The following PRKN variants were observed in gnomAD, a reference collection of about 807,000 sequenced individuals.
PRKN encodes E3 ubiquitin-protein ligase parkin.
PRKN carries 56 observed loss-of-function variants against 59.5 expected under a neutral mutation model. The ratio of observed to expected loss-of-function variants is 0.94; its 90% CI spans 0.76 to 1.18. The LOEUF is 1.18. Among genes scored for constraint, PRKN ranks in the 50% most tolerant of loss-of-function variants. PRKN has a pLI of 0.00. For missense variants in PRKN, 657 were observed against 596.4 expected (o/e 1.10, Z -1.06); for synonymous variants, 250 against 222.1 (o/e 1.13, Z -1.12).
At chr6:161,522,008 G>A (rs1778843557) in intron 9 of PRKN, among the ~76,000 whole-genome samples, 1 of 152,150 alleles carries the variant, frequency 6.6e-6, no homozygotes, top group Admixed American at 6.5e-5. Flanking sequence ...TCCAGAGAAA[G>A]CTCTGTTGGG....
Position 161,996,854 on chromosome 6 carries a change from A to T in PRKN, c.619-23437T>A, listed in dbSNP as rs562653117. Among the ~76,000 whole-genome samples the T allele has an allele frequency of 3.0e-3, 454 of 150,944 alleles. 1 individual carries two copies. Among genetic ancestry groups the T allele is most frequent in the African/African-American group, 0.01 (421 of 40,528 alleles). ...GGGAAAAACGTTTTATTTTTTTTTT[A>T]AATTAACATGGAGAAAGCACCTAAA... is the stretch of plus-strand genomic sequence containing the variant. On this transcript the variant is annotated intron_variant, in intron 5 of 11. Transcript: ENST00000366898.
intron 4 of PRKN, among the ~76,000 whole-genome samples, chr6:162,096,604 C>G (rs1779744319): frequency 1.3e-5 from 2 of 152,012 alleles, no homozygotes; most frequent in Non-Finnish European, 2.9e-5. Context: ...ACACTGTTCC[C>G]CTGGTAGTGA....
At chr6:162,459,687 A>G (rs1791065646) in intron 1 of PRKN, among the ~76,000 whole-genome samples, 1 of 152,210 alleles carries the variant, frequency 6.6e-6, no homozygotes, top group Non-Finnish European at 1.5e-5. Context: ...ATAAGTATGA[A>G]ATGTCTGACT....
intron 2 of PRKN, among the ~76,000 whole-genome samples, chr6:162,336,950 T>C (rs1388258130): frequency 6.6e-6 from 1 of 152,204 alleles, no homozygotes. Flanking sequence ...AGGATATCCC[T>C]GGATTTTCTG....
At chr6:161,586,121 C>A (rs1467732497) in intron 7 of PRKN, among the ~76,000 whole-genome samples, 1 of 152,144 alleles carries the variant, frequency 6.6e-6, no homozygotes, top group African/African-American at 2.4e-5. Flanking sequence ...GAGCAATCCT[C>A]CCTCCAGCTT....
At chr6:162,196,599 T>C (rs1411521440) in intron 4 of PRKN, among the ~76,000 whole-genome samples, 1 of 152,164 alleles carries the variant, frequency 6.6e-6, no homozygotes, top group Admixed American at 6.6e-5. Flanking sequence ...CTGATCAAGG[T>C]CACCATGCAA....
At chr6:162,438,540 G>A (rs570162352) in intron 2 of PRKN, among the ~76,000 whole-genome samples, 60 of 151,932 alleles carry the variant, frequency 3.9e-4, no homozygotes, top group South Asian at 3.9e-3. Context: ...CTTCCTGAAC[G>A]ACATTTTCAC....
At chr6:161,718,895 G>A (rs114490450) in intron 7 of PRKN, among the ~76,000 whole-genome samples, 1,558 of 152,246 alleles carry the variant, frequency 0.01, 25 homozygotes, top group African/African-American at 0.036. Context: ...TGATTAGAGG[G>A]CCAGTGAAGG....
intron 1 of PRKN, among the ~76,000 whole-genome samples, chr6:162,687,983 A>T (rs1777634244): frequency 6.6e-6 from 1 of 152,222 alleles, no homozygotes; most frequent in African/African-American, 2.4e-5. Context: ...AGTAAAAAAA[A>T]TTATGGTAAT....
chr6:162,096,225 C>T (rs1454609380), intron 4 of PRKN, among the ~76,000 whole-genome samples: 3 of 152,146 alleles, frequency 2.0e-5, no homozygotes, highest in Admixed American at 6.5e-5. Flanking sequence ...CCCCAAACAC[C>T]TTCTAGAATG....
intron 3 of PRKN, among the ~76,000 whole-genome samples, chr6:162,250,192 G>T (rs1006767336): frequency 4.6e-5 from 7 of 151,676 alleles, no homozygotes; most frequent in African/African-American, 1.7e-4. Flanking sequence ...TATAAGGGGG[G>T]GGGCAGGGAA....
rs1782817590 is a variant in PRKN at position 162,317,881 on chromosome 6, A to G, written c.172-55116T>C. On this transcript the variant is annotated intron_variant, in intron 2 of 11. Coordinates refer to ENST00000366898, the MANE Select transcript of PRKN (RefSeq NM_004562.3). ...CAGTTCAGTAATTGAATATAGATAC[A>G]GGTATTGGTTCTGAAGTTTTTTTAA... Among the ~76,000 whole-genome samples the G allele has an allele frequency of 2.0e-5, 3 of 152,014 alleles. No individual in the cohort carries two copies. The South Asian group carries it at 6.2e-4, about 31-fold the overall frequency.
chr6:162,078,851 TATTAATACTTAATA>T (rs1778940292), intron 4 of PRKN, among the ~76,000 whole-genome samples: 1 of 143,822 alleles, frequency 7.0e-6, no homozygotes, highest in Admixed American at 7.4e-5. Context: ...TAAGCAAGAT[TATTAATACTTAATA>T]ATTAATACTT....
chr6:162,283,313 A>C (rs1781006054), intron 2 of PRKN, among the ~76,000 whole-genome samples: 1 of 152,118 alleles, frequency 6.6e-6, no homozygotes, highest in South Asian at 2.1e-4. Flanking sequence ...ATTTGTGTCC[A>C]TTTTTGGAAT....
intron 7 of PRKN, among the ~76,000 whole-genome samples, chr6:161,721,616 A>G (rs1787224655): frequency 1.3e-5 from 2 of 152,236 alleles, no homozygotes; most frequent in Admixed American, 6.5e-5. Flanking sequence ...GAAAACATAA[A>G]TGGATTTTAT....
intron 3 of PRKN, among the ~76,000 whole-genome samples, chr6:162,220,733 G>A (rs1777889832): frequency 6.6e-6 from 1 of 152,194 alleles, no homozygotes; most frequent in African/African-American, 2.4e-5. Context: ...TCTACTCATG[G>A]CGCAGCCAAG....
intron 1 of PRKN, among the ~76,000 whole-genome samples, chr6:162,713,127 A>G (rs940946226): frequency 3.9e-5 from 6 of 152,240 alleles, no homozygotes; most frequent in Non-Finnish European, 5.9e-5. Context: ...TTGATTTCAA[A>G]AAGTAGAATC....
intron 7 of PRKN, among the ~76,000 whole-genome samples, chr6:161,704,829 T>G (rs1248068680): frequency 6.6e-6 from 1 of 152,200 alleles, no homozygotes; most frequent in Non-Finnish European, 1.5e-5. Flanking sequence ...TCCATCATAC[T>G]TCACATCTGC....
chr6:162,129,604 T>C (rs1781261398), intron 4 of PRKN, among the ~76,000 whole-genome samples: 1 of 152,180 alleles, frequency 6.6e-6, no homozygotes, highest in East Asian at 1.9e-4. Context: ...AGTGTGAATA[T>C]GCCACTTCAT....
Sources: gnomAD v4.1 joint callset for allele counts (sites outside exome capture counted in the v4.1 genomes callset) on GRCh38, gnomAD v4.1.1 for gene constraint, MANE v1.5 for transcripts, NCBI Gene and HGNC (gene_info 2026-07-23, HGNC 2026-07-21) for gene names.